Variants in ALDOB observed in about 807,000 individuals in gnomAD.
ALDOB encodes aldolase, fructose-bisphosphate B.
In ALDOB, 39 loss-of-function variants were observed where a neutral mutation model predicts 41.0. That is an observed-to-expected ratio of 0.95 (90% CI 0.74 to 1.24). The LOEUF is 1.24. Among genes scored for constraint, ALDOB ranks in the 50% most tolerant of loss-of-function variants. The probability of loss-of-function intolerance (pLI) is 0.00; values close to 1 mark genes in which losing one functional copy is unlikely to be tolerated. For synonymous variants in ALDOB, 175 were observed against 168.8 expected (o/e 1.04, Z -0.28); for missense variants, 530 against 457.3 (o/e 1.16, Z -1.45).
At chr9:101,423,030 C>T (rs893686523) in intron 8 of ALDOB, among the ~76,000 whole-genome samples, 6 of 152,196 alleles carry the variant, frequency 3.9e-5, no homozygotes, top group Admixed American at 6.5e-5. Flanking sequence ...TGATGACCTG[C>T]GCTTTCACAA....
chr9:101,420,572 A>G lies in ALDOB; in HGVS notation c.*1237T>C, dbSNP rs1831032210. On this transcript the variant is annotated 3_prime_UTR_variant, in exon 9 of 9. Coordinates refer to ENST00000647789, the MANE Select transcript of ALDOB (RefSeq NM_000035.4). ...TTATTCAAGGTAAGAAATTTAGCAT[A>G]CTACCATCAATATTTTAATTTTAGA... 6.6e-6 allele frequency: 1 copy of G among 152,186 alleles called. No homozygotes were observed. Among genetic ancestry groups the G allele is most frequent in the Non-Finnish European group, 1.5e-5 (1 of 68,036 alleles). 9.4% of individuals were successfully genotyped at this position (152,186 alleles called of 1,614,324 possible). A position where few individuals can be genotyped will look rare whatever the true frequency, so the allele number is the denominator to read the frequency against.
In ALDOB at chr9:101,421,809, C is replaced by G. The variant is rs900220679; in HGVS notation, c.1095G>C (p.Ter365TyrextTer42). 70 of 1,613,690 alleles carry G rather than the reference C, an allele frequency of 4.3e-5. 1 individual carries two copies. Among genetic ancestry groups the G allele is most frequent in the Non-Finnish European group, 5.8e-5 (69 of 1,179,894 alleles). ...QSLFTACYTY[*>Y] is the part of the protein sequence containing the mutation. ...GAGCTAGGCTGGCGGGCATTGGACCCTAGTAGGTATAGCAGGCTGTGAAGA... is the reference window on the plus strand; with the variant it reads ...GAGCTAGGCTGGCGGGCATTGGACCGTAGTAGGTATAGCAGGCTGTGAAGA... Residue 365 changes from the stop codon to tyrosine (Y), a stop_lost, in exon 9 of 9, where the codon TAG becomes TAC. Transcript: ENST00000647789.
At chr9:101,427,694 A>T in intron 4 of ALDOB, 52 bp from the exon 5 acceptor site, 1 of 1,608,318 alleles carries the variant, frequency 6.2e-7, no homozygotes, top group Non-Finnish European at 8.5e-7. Flanking sequence ...TACCTGATCC[A>T]TGGGGCTTCT....
rs757318986 is a variant in ALDOB at position 101,429,871 on chromosome 9, T to A, written c.208A>T (p.Ile70Phe). The A allele has an allele frequency of 1.8e-5, 29 of 1,614,010 alleles. No individual in the cohort carries two copies. The South Asian group carries it at 3.2e-4, about 18-fold the overall frequency. Residue 70 changes from isoleucine to phenylalanine, a missense_variant, in exon 3 of 9, where the codon ATC becomes TTC. Coordinates refer to ENST00000647789, the MANE Select transcript of ALDOB (RefSeq NM_000035.4). ...ATCACACCCCCGATGCTCTGGTTGATGGAACTGTCCACAGAGAAGAGGATT... is the reference window on the plus strand; with the variant it reads ...ATCACACCCCCGATGCTCTGGTTGAAGGAACTGTCCACAGAGAAGAGGATT... ...REILFSVDSS[I>F]NQSIGGVILF...
intron 8 of ALDOB, among the ~76,000 whole-genome samples, 171 bp from the exon 9 acceptor site, chr9:101,422,075 C>A (rs76350049): frequency 6.6e-6 from 1 of 152,284 alleles, no homozygotes; most frequent in African/African-American, 2.4e-5. Context: ...AGTATCTCCC[C>A]TTTTTATCCC....
At chr9:101,429,170 CTT>C (rs757424158) in intron 3 of ALDOB, among the ~76,000 whole-genome samples, 2 of 125,960 alleles carry the variant, frequency 1.6e-5, no homozygotes, top group Admixed American at 7.8e-5. Flanking sequence ...GGATCTTACT[CTT>C]TTTTTTTTTG....
chr9:101,428,629 G>A lies in ALDOB; in HGVS notation c.325-106C>T, dbSNP rs1831166461. On this transcript the variant is annotated intron_variant, in intron 3 of 8. Coordinates refer to ENST00000647789, the MANE Select transcript of ALDOB (RefSeq NM_000035.4). Reference sequence around the variant, plus strand: ...TTTTACAGATCAAGGAGTTGAATTAGTAAAGTGTATTAGTGCGAGGGACCC... The same window carrying A: ...TTTTACAGATCAAGGAGTTGAATTAATAAAGTGTATTAGTGCGAGGGACCC... The A allele has an allele frequency of 4.9e-6, 5 of 1,013,038 alleles. No individual in the cohort carries two copies. The Admixed American group carries it at 6.8e-5, about 14-fold the overall frequency. 62.8% of individuals were successfully genotyped at this position (1,013,038 alleles called of 1,614,324 possible). A position where few individuals can be genotyped will look rare whatever the true frequency, so the allele number is the denominator to read the frequency against.
intron 8 of ALDOB, among the ~76,000 whole-genome samples, chr9:101,423,690 A>G (rs752854272): frequency 2.6e-5 from 4 of 152,104 alleles, no homozygotes; most frequent in Non-Finnish European, 4.4e-5. Flanking sequence ...CCTATGCTTA[A>G]TATTGAGTCT....
At chr9:101,429,391 T>C (rs1476650269) in intron 3 of ALDOB, among the ~76,000 whole-genome samples, 1 of 152,148 alleles carries the variant, frequency 6.6e-6, no homozygotes, top group Non-Finnish European at 1.5e-5. Context: ...ACTCCTGAGC[T>C]CAAGCGATCC....
intron 8 of ALDOB, among the ~76,000 whole-genome samples, chr9:101,423,977 A>C (rs927505854): frequency 2.0e-5 from 3 of 152,174 alleles, no homozygotes; most frequent in African/African-American, 7.2e-5. Flanking sequence ...TTTTTCTGAA[A>C]AACTTCTTGA....
intron 8 of ALDOB, among the ~76,000 whole-genome samples, chr9:101,424,141 G>C (rs567443805): frequency 3.2e-4 from 48 of 152,232 alleles, no homozygotes; most frequent in South Asian, 4.1e-4. Flanking sequence ...TACCCGGCTG[G>C]GTGTGGTGGC....
At chr9:101,430,935 G>T (rs1291144021) in intron 1 of ALDOB, 38 bp from the exon 2 acceptor site, 1 of 1,442,848 alleles carries the variant, frequency 6.9e-7, no homozygotes, top group South Asian at 1.1e-5. Context: ...ACAGAACCAT[G>T]GGTGGCTCAG....
Position 101,424,946 on chromosome 9 carries a change from C to G in ALDOB, c.896G>C (p.Ser299Thr). The G allele has an allele frequency of 6.2e-7, 1 of 1,614,206 alleles. No homozygotes were observed. The highest frequency in any genetic ancestry group is 8.5e-7 in the Non-Finnish European group (1 of 1,180,044). Residue 299 changes from serine (S) to threonine (T), a missense_variant, in exon 8 of 9, where the codon AGT becomes ACT. Transcript: ENST00000647789. ...LCPLPKPWKL[S>T]FSYGRALQAS... is the part of the protein sequence containing the mutation. ...CTGCAGGGCCCGTCCATAAGAGAAA[C>G]TTAGTTTCCAGGGCTTTGGTAGAGG... is the stretch of plus-strand genomic sequence containing the variant.
chr9:101,424,606 G>A (rs1361737020), intron 8 of ALDOB, among the ~76,000 whole-genome samples: 1 of 152,122 alleles, frequency 6.6e-6, no homozygotes, highest in African/African-American at 2.4e-5. Flanking sequence ...CCTCTGAAGT[G>A]TTTCTGTTGA....
chr9:101,430,686 T>A, intron 2 of ALDOB, 90 bp downstream of exon 2: 3 of 1,020,988 alleles, frequency 2.9e-6, no homozygotes, highest in Non-Finnish European at 3.0e-6. Flanking sequence ...AAACCTTTAC[T>A]TCCATAAAGA....
Position 101,424,986 on chromosome 9 carries a change from C to A in ALDOB, c.856G>T (p.Ala286Ser), listed in dbSNP as rs1339936165. 6.2e-7 allele frequency: 1 copy of A among 1,614,176 alleles called. No homozygotes were observed. The highest frequency in any genetic ancestry group is 8.5e-7 in the Non-Finnish European group (1 of 1,180,030). ...SEEDATLNLNAINLCPLPKPW... is the reference protein window; with the variant it reads ...SEEDATLNLNSINLCPLPKPW... ...TTTGGTAGAGGGCAAAGGTTGATAGCATTGAGGTTGAGAGTGGCATCCTCT... is the reference window on the plus strand; with the variant it reads ...TTTGGTAGAGGGCAAAGGTTGATAGAATTGAGGTTGAGAGTGGCATCCTCT... Residue 286 changes from alanine to serine, a missense_variant, in exon 8 of 9, where the codon GCT becomes TCT. Coordinates refer to ENST00000647789, the MANE Select transcript of ALDOB (RefSeq NM_000035.4).
chr9:101,429,912 C>T lies in ALDOB; in HGVS notation c.167G>A (p.Arg56His), dbSNP rs200050226. Reference sequence around the variant, plus strand: ...GAAGAGGATTTCTCGGAACTGCCGGCGGTTCTCTTCAGTGTTTTCCACCTT... The same window carrying T: ...GAAGAGGATTTCTCGGAACTGCCGGTGGTTCTCTTCAGTGTTTTCCACCTT... ...RIKVENTEEN[R>H]RQFREILFSV... Residue 56 changes from arginine to histidine, a missense_variant, in exon 3 of 9, where the codon CGC becomes CAC. Transcript: ENST00000647789. 1.8e-5 allele frequency: 29 copies of T among 1,614,066 alleles called. No homozygotes were observed. The highest frequency in any genetic ancestry group is 2.4e-5 in the Non-Finnish European group (28 of 1,180,016).
chr9:101,423,307 C>T (rs554157), intron 8 of ALDOB, among the ~76,000 whole-genome samples: 80,912 of 151,798 alleles, frequency 0.53, 21,685 homozygotes, highest in South Asian at 0.66. Context: ...CACTCTTCTA[C>T]CTTCCTATTA....
In ALDOB at chr9:101,429,959, C is replaced by T; in HGVS notation, c.120G>A (p.Met40Ile). ...ILAADESVGT[M>I]GNRLQRIKVE... ...CCTTGATCCTCTGCAGGCGGTTCCCCATGGTACCTATGGTGGGAGGGCCAA... is the reference window on the plus strand; with the variant it reads ...CCTTGATCCTCTGCAGGCGGTTCCCTATGGTACCTATGGTGGGAGGGCCAA... Residue 40 changes from methionine to isoleucine, a missense_variant, in exon 3 of 9, where the codon ATG becomes ATA. Physicochemically the swap from Met to Ile is conservative, Grantham distance 10 (BLOSUM62 1). Coordinates refer to ENST00000647789, the MANE Select transcript of ALDOB (RefSeq NM_000035.4). 6.2e-7 allele frequency: 1 copy of T among 1,614,092 alleles called. No individual in the cohort carries two copies. Among genetic ancestry groups the T allele is most frequent in the South Asian group, 1.1e-5 (1 of 91,072 alleles).
Sources: allele counts gnomAD v4.1 joint callset (sites outside exome capture counted in the v4.1 genomes callset), GRCh38; gene constraint gnomAD v4.1.1; transcripts MANE v1.5; gene names NCBI Gene and HGNC (gene_info 2026-07-23, HGNC 2026-07-21).